Variants in AHNAK2 observed in about 807,000 individuals in gnomAD.
The protein encoded by AHNAK2 is AHNAK nucleoprotein 2.
In AHNAK2, 18 loss-of-function variants were observed where a neutral mutation model predicts 30.7. The ratio of observed to expected loss-of-function variants is 0.59; its 90% CI spans 0.41 to 0.87. AHNAK2 has a LOEUF of 0.87. AHNAK2 is among the 40% of genes least tolerant of loss of function. The pLI is 0.00. For missense variants in AHNAK2, 8,604 were observed against 7,373.0 expected, an observed-to-expected ratio of 1.17 and a Z score of -6.11; for synonymous variants, 3,590 against 3,073.8, an observed-to-expected ratio of 1.17 and a Z score of -5.56.
Position 104,941,860 on chromosome 14 carries a change from G to A in AHNAK2, c.13591C>T (p.Leu4531Phe). The A allele has an allele frequency of 6.2e-7, 1 of 1,613,472 alleles. No individual in the cohort carries two copies. The highest frequency in any genetic ancestry group is 8.5e-7 in the Non-Finnish European group (1 of 1,179,666). The change falls in exon 7 of 7, where the codon CTT (leucine) becomes TTT (phenylalanine). Residue 4531 changes from leucine to phenylalanine, a missense_variant. Transcript: ENST00000333244. ...ACCTCGGGCATGTGGCCTTCTGGAA[G>A]TTTCAAGTCCACCTGGCCAGCCTGG... Reference protein sequence around the residue: ...EVQAGQVDLKLPEGHMPEVAG... With the variant: ...EVQAGQVDLKFPEGHMPEVAG...
At chr14:104,961,131 CA>C (rs34813519) in intron 1 of AHNAK2, among the ~76,000 whole-genome samples, 51 of 131,094 alleles carry the variant, frequency 3.9e-4, no homozygotes, top group South Asian at 4.9e-4. Context: ...ACTCTGTCTC[CA>C]AAAAAAAAAA....
At chr14:104,975,495 C>A (rs1395985829) in intron 1 of AHNAK2, among the ~76,000 whole-genome samples, 1 of 152,232 alleles carries the variant, frequency 6.6e-6, no homozygotes, top group African/African-American at 2.4e-5. Context: ...GCTGCCTCCT[C>A]CTCAAGGCCC....
At chr14:104,963,722 C>T (rs558795167) in intron 1 of AHNAK2, among the ~76,000 whole-genome samples, 42 of 151,166 alleles carry the variant, frequency 2.8e-4, no homozygotes, top group Middle Eastern at 3.4e-3. Context: ...CCCAGCTACT[C>T]GGGAGGCTGA....
chr14:104,941,821 C>T lies in AHNAK2; in HGVS notation c.13630G>A (p.Gly4544Arg). 6.2e-6 allele frequency: 10 copies of T among 1,613,322 alleles called. No individual in the cohort carries two copies. Among genetic ancestry groups the T allele is most frequent in the Non-Finnish European group, 8.5e-6 (10 of 1,179,640 alleles). ...GGCATCTCCACCTTGGGCAGGTGCC[C>T]TTTGAGGCCGGCTACCTCGGGCATG... ...GHMPEVAGLK[G>R]HLPKVEMPSF... Residue 4544 changes from glycine (G) to arginine (R), a missense_variant, in exon 7 of 7, where the codon GGG becomes AGG. Physicochemically the swap from Gly to Arg is moderately radical, Grantham distance 125. Coordinates refer to ENST00000333244, the MANE Select transcript of AHNAK2 (RefSeq NM_138420.4).
rs754690407 is a variant in AHNAK2, at chr14:104,950,343, G to T, written c.5108C>A (p.Thr1703Asn). 1.3e-5 allele frequency: 20 copies of T among 1,585,318 alleles called. 1 individual carries two copies. In the African/African-American group the frequency reaches 1.7e-4, roughly 13 times the overall value. The change falls in exon 7 of 7, where the codon ACC becomes AAC. Residue 1703 changes from threonine (T) to asparagine (N), a missense_variant. Transcript: ENST00000333244. Reference sequence around the variant, plus strand: ...AGGGGACTGAATGCTGAGGTCAGTGGTCTTCAGGTCCCCCTGCATGGAGGG... The same window carrying T: ...AGGGGACTGAATGCTGAGGTCAGTGTTCTTCAGGTCCCCCTGCATGGAGGG... ...SLPSMQGDLK[T>N]TDLSIQSPSA...
Position 104,946,876 on chromosome 14 carries a change from T to C in AHNAK2, c.8575A>G (p.Thr2859Ala), listed in dbSNP as rs1467701591. The change falls in exon 7 of 7, where the codon ACT (threonine) becomes GCT (alanine). Residue 2859 changes from threonine to alanine, a missense_variant. By Grantham distance (58) the Thr-to-Ala change is moderately conservative. Transcript: ENST00000333244. ...GAGGGGGGCTGAATGCGGATGTCAG[T>C]GGTCTTAAGATCCCCTTGCATGGAG... ...FPSMQGDLKTTDIRIQPPSAQ... is the reference protein window; with the variant it reads ...FPSMQGDLKTADIRIQPPSAQ... The C allele has an allele frequency of 6.2e-6, 10 of 1,612,410 alleles. No individual in the cohort carries two copies.
rs1365720971 is a variant in AHNAK2, at chr14:104,940,900, A to G, written c.14551T>C (p.Ser4851Pro). The change falls in exon 7 of 7, where the codon TCC (serine) becomes CCC (proline). Residue 4851 changes from serine to proline, a missense_variant. Physicochemically the swap from Ser to Pro is moderately conservative, Grantham distance 74. Coordinates refer to ENST00000333244, the MANE Select transcript of AHNAK2 (RefSeq NM_138420.4). This position sits in a 1 kb window ranked among gnomAD's most constrained non-coding sequence, Gnocchi z 4.4. ...QAESHSGPLN[S>P]MIPVSLGQVS... ...TGACCAAGAGAAACAGGAATCATGG[A>G]ATTCAGTGGGCCAGAGTGACTCTCA... 6 of 1,612,562 alleles carry G rather than the reference A, an allele frequency of 3.7e-6. No homozygotes were observed. In the African/African-American group the frequency reaches 6.7e-5, roughly 18 times the overall value.
intron 1 of AHNAK2, among the ~76,000 whole-genome samples, chr14:104,964,832 ACCCTTT>A (rs1380864914): frequency 1.3e-5 from 2 of 152,236 alleles, no homozygotes; most frequent in Non-Finnish European, 2.9e-5. Context: ...CATGGTTTGT[ACCCTTT>A]CTCCATAAAA....
At position 104,946,018 on chromosome 14, in the gene AHNAK2, T is replaced by C; in HGVS notation, c.9433A>G (p.Met3145Val). The C allele has an allele frequency of 1.3e-6, 2 of 1,565,454 alleles. No homozygotes were observed. Among genetic ancestry groups the C allele is most frequent in the South Asian group, 1.1e-5 (1 of 87,160 alleles). ...DVTAKDSKFK[M>V]PKFKMPSFGV... ...AACGACGGCATCTTGAACTTGGGCA[T>C]TTTGAACTTGCTGTCTTTGGCAGTC... The change falls in exon 7 of 7, where the codon ATG becomes GTG. Residue 3145 changes from methionine (M) to valine (V), a missense_variant. By Grantham distance (21) the Met-to-Val change is conservative (BLOSUM62 1). Coordinates refer to ENST00000333244, the MANE Select transcript of AHNAK2 (RefSeq NM_138420.4).
rs1396100277 is a variant in AHNAK2 at position 104,946,125 on chromosome 14, A to G, written c.9326T>C (p.Met3109Thr). ...TCCTGGGGCCTCGACATCCACCTCC[A>G]TGCCGGGCTGAGACACCTCCACGTC... is the stretch of plus-strand genomic sequence containing the variant. ...APDVEVSQPG[M>T]EVDVEAPGAK... is the part of the protein sequence containing the mutation. Residue 3109 changes from methionine to threonine, a missense_variant, in exon 7 of 7, where the codon ATG (methionine) becomes ACG (threonine). By Grantham distance (81) the Met-to-Thr change is moderately conservative. Coordinates refer to ENST00000333244, the MANE Select transcript of AHNAK2 (RefSeq NM_138420.4). 3 of 1,612,024 alleles carry G rather than the reference A, an allele frequency of 1.9e-6. No homozygotes were observed. Among genetic ancestry groups the G allele is most frequent in the Non-Finnish European group, 2.5e-6 (3 of 1,179,370 alleles).
intron 1 of AHNAK2, among the ~76,000 whole-genome samples, chr14:104,960,098 G>A: frequency 6.6e-6 from 1 of 152,162 alleles, no homozygotes; most frequent in East Asian, 1.9e-4. Context: ...AAAGGAGGCT[G>A]GATTTAGAAG....
At position 104,942,245 on chromosome 14, in the gene AHNAK2, G is replaced by A. The variant is rs778375938; in HGVS notation, c.13206C>T (p.Asp4402=). ...PKVDLKGPQI[D]VNVPKLDLKG... ...TCAGGTCCAGCTTGGGGACATTAAC[G>A]TCTATCTGGGGACCCTTGAGGTCCA... The change falls in exon 7 of 7, where the codon GAC becomes GAT. Residue 4402 remains aspartate, a synonymous_variant. Transcript: ENST00000333244. The A allele has an allele frequency of 1.7e-5, 28 of 1,612,090 alleles. No individual in the cohort carries two copies. The highest frequency in any genetic ancestry group is 1.6e-4 in the East Asian group (7 of 44,662).
At chr14:104,964,430 C>A (rs1264364890) in intron 1 of AHNAK2, among the ~76,000 whole-genome samples, 1 of 152,184 alleles carries the variant, frequency 6.6e-6, no homozygotes, top group Admixed American at 6.5e-5. Flanking sequence ...CTGGTAGAGC[C>A]TTACCCTGTG....
intron 1 of AHNAK2, among the ~76,000 whole-genome samples, chr14:104,964,415 A>C (rs965693893): frequency 7.2e-5 from 11 of 152,174 alleles, no homozygotes; most frequent in African/African-American, 2.7e-4. Context: ...CCACTTGGAA[A>C]CAGCCTGGTA....
At position 104,951,162 on chromosome 14, in the gene AHNAK2, T is replaced by G. The variant is rs1211770199; in HGVS notation, c.4289A>C (p.Glu1430Ala). 1 of 1,069,978 alleles carries G rather than the reference T, an allele frequency of 9.3e-7. No homozygotes were observed. Among genetic ancestry groups the G allele is most frequent in the East Asian group, 2.3e-5 (1 of 43,716 alleles). 66.3% of individuals were successfully genotyped at this position (1,069,978 alleles called of 1,614,324 possible). The change falls in exon 7 of 7, where the codon GAA (glutamate) becomes GCA (alanine). Residue 1430 changes from glutamate to alanine, a missense_variant. Transcript: ENST00000333244. ...KVPKVDLKGP[E>A]IDIKGPKLDL... The stretch of plus-strand genomic sequence containing the variant: ...CAGCTTGGGGCCCTTGATGTCTATT[T>G]CAGGGCCCTTGAGGTCCACTTTGGG...
At position 104,948,373 on chromosome 14, in the gene AHNAK2, C is replaced by A. The variant is rs1472753470; in HGVS notation, c.7078G>T (p.Asp2360Tyr). Residue 2360 changes from aspartate to tyrosine, a missense_variant, in exon 7 of 7, where the codon GAC (aspartate) becomes TAC (tyrosine). Physicochemically the swap from Asp to Tyr is radical, Grantham distance 160 (BLOSUM62 -3). Coordinates refer to ENST00000333244, the MANE Select transcript of AHNAK2 (RefSeq NM_138420.4). ...ACGCTGAGGTCAGTGGTCTTGAGGT[C>A]CCCCTGCATGGAGGGGAGGCTCACG... ...ADVSLPSMQG[D>Y]LKTTDLSVQP... The A allele has an allele frequency of 1.9e-6, 3 of 1,612,524 alleles. No homozygotes were observed. The highest frequency in any genetic ancestry group is 2.7e-5 in the African/African-American group (2 of 74,418).
In AHNAK2 at chr14:104,939,491, A is replaced by G. The variant is rs1354552789; in HGVS notation, c.15960T>C (p.Val5320=). ...GAGTCTCATCTATTTCTCCTGGAAG[A>G]ACCTGGGTTTCTGGAAGCCTCATGC... ...MPGMRLPETQ[V]LPGEIDETPL... Residue 5320 remains valine, a synonymous_variant, in exon 7 of 7, where the codon GTT becomes GTC. Coordinates refer to ENST00000333244, the MANE Select transcript of AHNAK2 (RefSeq NM_138420.4). 1.2e-6 allele frequency: 2 copies of G among 1,613,484 alleles called. No individual in the cohort carries two copies. Among genetic ancestry groups the G allele is most frequent in the Non-Finnish European group, 1.7e-6 (2 of 1,179,848 alleles).
Position 104,944,620 on chromosome 14 carries a change from G to C in AHNAK2, c.10831C>G (p.Pro3611Ala), listed in dbSNP as rs759082762. The C allele has an allele frequency of 2.5e-6, 4 of 1,612,974 alleles. No individual in the cohort carries two copies. The Admixed American group carries it at 6.7e-5, about 27-fold the overall frequency. Residue 3611 changes from proline to alanine, a missense_variant, in exon 7 of 7, where the codon CCG (proline) becomes GCG (alanine). Transcript: ENST00000333244. ...LPSVEVDVQA[P>A]KAKLDAGRLE... ...CGCCCAGCATCCAGCTTGGCCTTCG[G>C]GGCCTGGACATCCACCTCCACGCTG...
chr14:104,972,062 G>A (rs1460680519), intron 1 of AHNAK2, among the ~76,000 whole-genome samples: 1 of 152,256 alleles, frequency 6.6e-6, no homozygotes, highest in African/African-American at 2.4e-5. Context: ...GGGTCCTCAA[G>A]TAGGCCAGAG....
Sources: allele counts gnomAD v4.1 joint callset (sites outside exome capture counted in the v4.1 genomes callset), GRCh38; gene constraint gnomAD v4.1.1; non-coding constraint Gnocchi (gnomAD v3.1); transcripts MANE v1.5; gene names NCBI Gene and HGNC (gene_info 2026-07-23, HGNC 2026-07-21).